Variants in ADAMTS2 observed in about 807,000 individuals in gnomAD.
The protein encoded by ADAMTS2 is ADAM metallopeptidase with thrombospondin type 1 motif 2.
ADAMTS2 carries 50 observed loss-of-function variants against 123.0 expected under a neutral mutation model. The ratio of observed to expected loss-of-function variants is 0.41; its 90% CI spans 0.32 to 0.51. The LOEUF (loss-of-function observed/expected upper bound fraction) is 0.51, where lower values mean the gene tolerates loss of function less well. ADAMTS2 is among the 20% of genes least tolerant of loss of function. ADAMTS2 has a pLI of 0.35. For missense variants in ADAMTS2, 1,494 were observed against 1,705.2 expected, an observed-to-expected ratio of 0.88 and a Z score of 2.18; for synonymous variants, 678 against 695.4, an observed-to-expected ratio of 0.98 and a Z score of 0.39.
intron 3 of ADAMTS2, among the ~76,000 whole-genome samples, chr5:179,267,416 A>G (rs1176689015): frequency 6.6e-6 from 1 of 152,242 alleles, no homozygotes; most frequent in Non-Finnish European, 1.5e-5. Flanking sequence ...GCCTGACAGC[A>G]GCAGGCAGAG....
At position 179,272,449 on chromosome 5, in the gene ADAMTS2, A is replaced by C. The variant is rs927063152; in HGVS notation, c.688+462T>G. ...AGCCAGGTGAGGGTTGGGACCTACC[A>C]CAGGCACCCTCCCAGGGACCATGGC... On this transcript the variant is annotated intron_variant, in intron 3 of 21. Transcript: ENST00000251582. The surrounding 1 kb of genome is among the most constrained non-coding windows in gnomAD (Gnocchi z 5.8). Among the ~76,000 whole-genome samples, 1 of 152,144 alleles carries C rather than the reference A, an allele frequency of 6.6e-6. No homozygotes were observed. The highest frequency in any genetic ancestry group is 1.5e-5 in the Non-Finnish European group (1 of 68,014).
intron 13 of ADAMTS2, among the ~76,000 whole-genome samples, chr5:179,133,833 C>T (rs1441075114): frequency 6.6e-6 from 1 of 151,822 alleles, no homozygotes. Flanking sequence ...AGTCTCCTGC[C>T]TCAGCCTCCC....
At chr5:179,290,367 C>T (rs573788688) in intron 2 of ADAMTS2, among the ~76,000 whole-genome samples, 22 of 152,294 alleles carry the variant, frequency 1.4e-4, no homozygotes, top group Non-Finnish European at 2.2e-4. Context: ...CACCAGAAGC[C>T]AGGGCCATGC....
At chr5:179,273,201 C>T in intron 2 of ADAMTS2, 137 bp from the exon 3 acceptor site, 2 of 1,362,708 alleles carry the variant, frequency 1.5e-6, no homozygotes, top group Non-Finnish European at 2.1e-6. Flanking sequence ...CAGCTTGAAC[C>T]CTGGGCTGGC....
intron 2 of ADAMTS2, among the ~76,000 whole-genome samples, chr5:179,311,900 G>A (rs549133439): frequency 2.1e-3 from 326 of 152,286 alleles, no homozygotes; most frequent in East Asian, 3.7e-3. Flanking sequence ...GCCTTACCGC[G>A]CTTTAACAAG....
chr5:179,240,337 G>A (rs916501486), intron 3 of ADAMTS2, among the ~76,000 whole-genome samples: 1 of 152,154 alleles, frequency 6.6e-6, no homozygotes, highest in African/African-American at 2.4e-5. Context: ...CTAGGGCATT[G>A]TTCAGTAGAT....
chr5:179,271,828 C>T (rs1766542952), intron 3 of ADAMTS2, among the ~76,000 whole-genome samples: 2 of 152,222 alleles, frequency 1.3e-5, no homozygotes, highest in African/African-American at 2.4e-5. Flanking sequence ...TTCTGTCAAG[C>T]TAGGAAGTCA....
At chr5:179,116,211 T>G (rs1762654634) in intron 21 of ADAMTS2, among the ~76,000 whole-genome samples, 1 of 151,804 alleles carries the variant, frequency 6.6e-6, no homozygotes, top group Non-Finnish European at 1.5e-5. Context: ...CATCCAGCTA[T>G]CCTGCTTCAG....
chr5:179,289,387 C>T (rs1220491480), intron 2 of ADAMTS2, among the ~76,000 whole-genome samples: 1 of 152,128 alleles, frequency 6.6e-6, no homozygotes, highest in Non-Finnish European at 1.5e-5. Flanking sequence ...CTCTTTCTCA[C>T]AGGGTAATTC....
intron 3 of ADAMTS2, among the ~76,000 whole-genome samples, chr5:179,218,873 G>A (rs556245375): frequency 7.2e-5 from 11 of 152,274 alleles, no homozygotes; most frequent in South Asian, 6.2e-4. Context: ...ACATACCCCC[G>A]CACAGCAGAG....
intron 3 of ADAMTS2, among the ~76,000 whole-genome samples, chr5:179,240,167 G>A (rs933118114): frequency 1.1e-4 from 16 of 152,318 alleles, no homozygotes; most frequent in Admixed American, 8.5e-4. Flanking sequence ...GATATGAAAA[G>A]TCATCTGGAA....
rs73806915 is a variant in ADAMTS2 at position 179,147,761 on chromosome 5, C to T, written c.1629+4381G>A. Reference sequence around the variant, plus strand: ...GCCCTCAATCCATTTTCTCTGTAGCCAAAGCAGCAAAATGCCCAAGGCCAT... The same window carrying T: ...GCCCTCAATCCATTTTCTCTGTAGCTAAAGCAGCAAAATGCCCAAGGCCAT... On this transcript the variant is annotated intron_variant, in intron 10 of 21. Coordinates refer to ENST00000251582, the MANE Select transcript of ADAMTS2 (RefSeq NM_014244.5). 6.9e-3 allele frequency among the ~76,000 whole-genome samples: 1,057 copies of T among 152,254 alleles called. 13 individuals are homozygous for T. The highest frequency in any genetic ancestry group is 0.024 in the African/African-American group (1,000 of 41,540).
At chr5:179,310,135 T>C (rs1443642503) in intron 2 of ADAMTS2, among the ~76,000 whole-genome samples, 3 of 152,236 alleles carry the variant, frequency 2.0e-5, no homozygotes, top group Non-Finnish European at 1.5e-5. Context: ...GGACTACGCC[T>C]GCCCAGGGCT....
intron 3 of ADAMTS2, among the ~76,000 whole-genome samples, chr5:179,269,782 T>A (rs1334309423): frequency 1.3e-5 from 2 of 152,124 alleles, no homozygotes; most frequent in African/African-American, 4.8e-5. Flanking sequence ...CAGCACAGTG[T>A]CCCTGGACAC....
chr5:179,249,576 C>T (rs1405485692), intron 3 of ADAMTS2, among the ~76,000 whole-genome samples: 4 of 151,982 alleles, frequency 2.6e-5, no homozygotes, highest in South Asian at 4.1e-4. Context: ...ACATTACTAC[C>T]GACCTTATAG....
At chr5:179,208,391 G>A (rs1362646630) in intron 3 of ADAMTS2, among the ~76,000 whole-genome samples, 1 of 152,054 alleles carries the variant, frequency 6.6e-6, no homozygotes, top group Non-Finnish European at 1.5e-5. Flanking sequence ...CCCCTCCCCA[G>A]GTGAACGGTA....
At chr5:179,126,538 G>A (rs1440123797) in intron 17 of ADAMTS2, among the ~76,000 whole-genome samples, 5 of 152,248 alleles carry the variant, frequency 3.3e-5, no homozygotes, top group Admixed American at 6.5e-5. Context: ...TGCTCAACCC[G>A]GGTGATTTTC....
intron 18 of ADAMTS2, 97 bp downstream of exon 18, chr5:179,125,901 A>G: frequency 6.5e-7 from 1 of 1,540,436 alleles, no homozygotes; most frequent in African/African-American, 1.4e-5. Context: ...AATGCCTCGG[A>G]TGATGCCAGG....
Position 179,180,998 on chromosome 5 carries a change from A to G in ADAMTS2, c.975+74T>C, listed in dbSNP as rs10054642. 4.7e-3 allele frequency: 5,397 copies of G among 1,160,174 alleles called. 213 individuals are homozygous for G. The African/African-American group carries it at 0.073, about 16-fold the overall frequency. 71.9% of individuals were successfully genotyped at this position (1,160,174 alleles called of 1,614,324 possible). A position where few individuals can be genotyped will look rare whatever the true frequency, so the allele number is the denominator to read the frequency against. ...TGGCAAACGCACACACTCTCCAAGG[A>G]GGCCCATGCCTCACTCCCAGGCCCC... On this transcript the variant is annotated intron_variant, in intron 5 of 21. Transcript: ENST00000251582. The surrounding 1 kb of genome is among the most constrained non-coding windows in gnomAD (Gnocchi z 4.6).
Sources: gnomAD v4.1 joint callset for allele counts (sites outside exome capture counted in the v4.1 genomes callset) on GRCh38, gnomAD v4.1.1 for gene constraint, Gnocchi (gnomAD v3.1) non-coding constraint, MANE v1.5 for transcripts, NCBI Gene and HGNC (gene_info 2026-07-23, HGNC 2026-07-21) for gene names.